The following TBCK variants were observed in gnomAD, a reference collection of about 807,000 sequenced individuals.
TBCK encodes the protein TBC domain-containing protein kinase-like protein.
In TBCK, 99 loss-of-function variants were observed where a neutral mutation model predicts 113.4. The ratio of observed to expected loss-of-function variants is 0.87; its 90% CI spans 0.74 to 1.03. The LOEUF (loss-of-function observed/expected upper bound fraction) is 1.03, where lower values mean the gene tolerates loss of function less well. Ranked by LOEUF, TBCK falls within the 50% of genes least tolerant of loss-of-function variation. TBCK has a pLI of 0.00. For missense variants in TBCK, 1,045 were observed against 1,061.3 expected (o/e 0.98, Z 0.21); for synonymous variants, 369 against 370.8 (o/e 1.00, Z 0.05).
In TBCK at chr4:106,194,710, ATACT is replaced by A; in HGVS notation, c.1897+4_1897+7del. On this transcript the variant is annotated splice_donor_5th_base_variant and intron_variant, in intron 21 of 25. Transcript: ENST00000394708. ...AATATCAAAAAAACCGGGGGAAGTC[ATACT>A]TACGAGTAAACATGGTAAGAAACCA... 1 of 1,594,332 alleles carries A rather than the reference ATACT, an allele frequency of 6.3e-7. No individual in the cohort carries two copies. Among genetic ancestry groups the A allele is most frequent in the Non-Finnish European group, 8.5e-7 (1 of 1,172,930 alleles).
At chr4:106,259,928 T>C (rs866799325) in intron 5 of TBCK, among the ~76,000 whole-genome samples, 4 of 151,956 alleles carry the variant, frequency 2.6e-5, no homozygotes, top group Admixed American at 6.6e-5. Flanking sequence ...AGTGATTAAA[T>C]AAACCTTTCT....
rs754138204 is a variant in TBCK, at chr4:106,236,717, TAGAA to T, written c.1220+38_1220+41del. The T allele has an allele frequency of 8.0e-5, 96 of 1,199,990 alleles. No homozygotes were observed. The South Asian group carries it at 1.4e-3, about 17-fold the overall frequency. 74.3% of individuals were successfully genotyped at this position (1,199,990 alleles called of 1,614,324 possible). On this transcript the variant is annotated intron_variant, in intron 13 of 25. Transcript: ENST00000394708. ...AAAATTCTTATAAATCTAATATAAA[TAGAA>T]AGAAAAATAAATCTAAAATGAGACT... is the stretch of plus-strand genomic sequence containing the variant.
chr4:106,189,020 C>A (rs950179820), intron 22 of TBCK, among the ~76,000 whole-genome samples: 1 of 152,026 alleles, frequency 6.6e-6, no homozygotes, highest in Non-Finnish European at 1.5e-5. Context: ...ACTGACATAA[C>A]CTGAGGTTTT....
Position 106,214,308 on chromosome 4 carries a change from C to T in TBCK, c.1775-1473G>A, listed in dbSNP as rs186196728. Among the ~76,000 whole-genome samples the T allele has an allele frequency of 2.6e-4, 39 of 152,262 alleles. 2 individuals are homozygous for T. Among genetic ancestry groups the T allele is most frequent in the Admixed American group, 2.0e-3 (30 of 15,298 alleles). The stretch of plus-strand genomic sequence containing the variant: ...AAACTGGAAACTCTAAAAATCAGAG[C>T]GCCTCTCCTCCTCCAAAGGAACGCG... On this transcript the variant is annotated intron_variant, in intron 19 of 25. Transcript: ENST00000394708.
chr4:106,164,512 T>C (rs917502686), intron 23 of TBCK: 1 of 151,694 alleles, frequency 6.6e-6, no homozygotes, highest in Non-Finnish European at 1.5e-5. Flanking sequence ...AAGTGTACAG[T>C]AGGATATGAT....
rs1379211208 is a variant in TBCK at position 106,251,972 on chromosome 4, T to C, written c.491A>G (p.Gln164Arg). Residue 164 changes from glutamine (Q) to arginine (R), a missense_variant, in exon 6 of 26, where the codon CAG (glutamine) becomes CGG (arginine). Coordinates refer to ENST00000394708, the MANE Select transcript of TBCK (RefSeq NM_001163435.3). Reference sequence around the variant, plus strand: ...GTGATCAGTGGTTTTGAAAATTCCCTGTGCAATTACCTCAGGGGCCAAGTA... The same window carrying C: ...GTGATCAGTGGTTTTGAAAATTCCCCGTGCAATTACCTCAGGGGCCAAGTA... ...PSYLAPEVIA[Q>R]GIFKTTDHMP... is the part of the protein sequence containing the mutation. The C allele has an allele frequency of 6.2e-7, 1 of 1,611,658 alleles. No individual in the cohort carries two copies. Among genetic ancestry groups the C allele is most frequent in the Non-Finnish European group, 8.5e-7 (1 of 1,178,466 alleles).
chr4:106,142,155 T>C (rs1239469912), intron 23 of TBCK, among the ~76,000 whole-genome samples: 1 of 97,022 alleles, frequency 1.0e-5, no homozygotes, highest in Non-Finnish European at 2.7e-5. Flanking sequence ...TCAGGACTAT[T>C]TAGCTTCGCT....
chr4:106,162,566 T>C (rs1432517094), intron 23 of TBCK, among the ~76,000 whole-genome samples: 1 of 152,170 alleles, frequency 6.6e-6, no homozygotes, highest in Non-Finnish European at 1.5e-5. Context: ...TGCCTGGATA[T>C]CCAGGCATTT....
chr4:106,130,477 T>C (rs1745753339), intron 23 of TBCK, among the ~76,000 whole-genome samples: 1 of 152,010 alleles, frequency 6.6e-6, no homozygotes, highest in Non-Finnish European at 1.5e-5. Context: ...CAAAAAATAT[T>C]TCCTAATGAA....
In TBCK at chr4:106,248,909, T is replaced by A; in HGVS notation, c.720+12A>T. On this transcript the variant is annotated intron_variant, in intron 8 of 25. Transcript: ENST00000394708. ...CAGCACAAATGGACTAAGACCCAGA[T>A]TAATGACAAACCTTTATAATGTCCA... 1.3e-6 allele frequency: 2 copies of A among 1,596,674 alleles called. No individual in the cohort carries two copies. Among genetic ancestry groups the A allele is most frequent in the Non-Finnish European group, 1.7e-6 (2 of 1,173,666 alleles).
intron 2 of TBCK, among the ~76,000 whole-genome samples, chr4:106,296,867 C>A (rs1766366059): frequency 6.6e-6 from 1 of 151,822 alleles, no homozygotes; most frequent in Non-Finnish European, 1.5e-5. Flanking sequence ...GGAAACCATG[C>A]AATAAAAGGT....
chr4:106,230,772 C>T (rs34193646), intron 18 of TBCK, among the ~76,000 whole-genome samples: 21,438 of 151,704 alleles, frequency 0.14, 1,707 homozygotes, highest in South Asian at 0.25. Context: ...GTAAGTTATA[C>T]GGACCTCACG....
At chr4:106,273,309 T>C (rs983732230) in intron 3 of TBCK, among the ~76,000 whole-genome samples, 8 of 152,212 alleles carry the variant, frequency 5.3e-5, no homozygotes, top group African/African-American at 1.7e-4. Flanking sequence ...CTCACAGCAA[T>C]GACTTTGAAA....
chr4:106,233,182 C>T (rs989305051), intron 16 of TBCK, 118 bp from the exon 17 acceptor site: 2 of 1,030,498 alleles, frequency 1.9e-6, no homozygotes, highest in Non-Finnish European at 2.7e-6. Context: ...TCAAAACAGA[C>T]CAACTTCTTA....
intron 1 of TBCK, among the ~76,000 whole-genome samples, chr4:106,310,756 A>T (rs1179982286): frequency 6.6e-6 from 1 of 152,220 alleles, no homozygotes; most frequent in African/African-American, 2.4e-5. Context: ...TCTGAGAATC[A>T]TCAGATAGTT....
At chr4:106,049,834 CTAATAA>C (rs766583641) in intron 25 of TBCK, among the ~76,000 whole-genome samples, 1 of 151,962 alleles carries the variant, frequency 6.6e-6, no homozygotes, top group African/African-American at 2.4e-5. Context: ...TTGTTGCAGA[CTAATAA>C]TAAGTAGAGT....
At chr4:106,064,066 G>A (rs951029364) in intron 25 of TBCK, among the ~76,000 whole-genome samples, 5 of 151,776 alleles carry the variant, frequency 3.3e-5, no homozygotes, top group Non-Finnish European at 7.4e-5. Flanking sequence ...CGGGAGAGGG[G>A]GGAAAAGCCT....
intron 22 of TBCK, among the ~76,000 whole-genome samples, chr4:106,173,881 T>C (rs1751317683): frequency 2.6e-5 from 4 of 152,104 alleles, no homozygotes; most frequent in Admixed American, 2.0e-4. Flanking sequence ...ATTATAATTA[T>C]TGAGACAATG....
Position 106,260,512 on chromosome 4 carries a change from T to C in TBCK, c.382-2A>G, listed in dbSNP as rs903296221. ...AAATTTAGCCAATTTAATATGTCCC[T>C]ATGATAATAAAGAAAAAAAACACTA... On this transcript the variant is annotated splice_acceptor_variant, in intron 4 of 25. Coordinates refer to ENST00000394708, the MANE Select transcript of TBCK (RefSeq NM_001163435.3). LOFTEE classifies it high-confidence loss of function. 4.0e-5 allele frequency: 46 copies of C among 1,148,006 alleles called. No homozygotes were observed. Among genetic ancestry groups the C allele is most frequent in the Non-Finnish European group, 5.1e-5 (44 of 855,818 alleles). The allele number at this position is 1,148,006 out of a possible 1,614,324, so 71.1% of individuals were successfully genotyped here. A position where few individuals can be genotyped will look rare whatever the true frequency, so the allele number is the denominator to read the frequency against.
Sources: allele counts gnomAD v4.1 joint callset (sites outside exome capture counted in the v4.1 genomes callset), GRCh38; gene constraint gnomAD v4.1.1; transcripts MANE v1.5; gene names NCBI Gene and HGNC (gene_info 2026-07-23, HGNC 2026-07-21).